The following ADIPOR2 variants were observed in gnomAD, a reference collection of about 807,000 sequenced individuals.
The protein encoded by ADIPOR2 is adiponectin receptor protein 2.
In ADIPOR2, 18 loss-of-function variants were observed where a neutral mutation model predicts 40.9. That is an observed-to-expected ratio of 0.44 (90% CI 0.30 to 0.65). The LOEUF is 0.65. Ranked by LOEUF, ADIPOR2 falls within the 30% of genes least tolerant of loss-of-function variation. ADIPOR2 has a pLI of 0.09. For synonymous variants in ADIPOR2, 165 were observed against 166.4 expected, an observed-to-expected ratio of 0.99 and a Z score of 0.06; for missense variants, 283 against 479.2, an observed-to-expected ratio of 0.59 and a Z score of 3.82.
At chr12:1,725,614 T>G (rs180930256) in intron 1 of ADIPOR2, among the ~76,000 whole-genome samples, 1 of 152,308 alleles carries the variant, frequency 6.6e-6, no homozygotes. Context: ...GTAATAAAAC[T>G]AAGTACATCA....
At chr12:1,703,216 A>G (rs1321977818) in intron 1 of ADIPOR2, among the ~76,000 whole-genome samples, 1 of 152,266 alleles carries the variant, frequency 6.6e-6, no homozygotes, top group East Asian at 1.9e-4. Context: ...GAAAATGCCT[A>G]CTATATACTA....
chr12:1,781,136 T>C (rs767144193), intron 6 of ADIPOR2, 60 bp downstream of exon 6: 1 of 1,442,920 alleles, frequency 6.9e-7, no homozygotes, highest in Non-Finnish European at 9.3e-7. Context: ...AAATTCACTA[T>C]TTATTAAAGT....
At chr12:1,739,382 G>A (rs929766350) in intron 1 of ADIPOR2, among the ~76,000 whole-genome samples, 1 of 152,228 alleles carries the variant, frequency 6.6e-6, no homozygotes, top group Non-Finnish European at 1.5e-5. Flanking sequence ...TTCCCTCTCT[G>A]AAAGTAAAAT....
intron 2 of ADIPOR2, among the ~76,000 whole-genome samples, chr12:1,764,420 G>T (rs2154443883): frequency 6.6e-6 from 1 of 152,108 alleles, no homozygotes; most frequent in South Asian, 2.1e-4. Context: ...AAATAGTTTG[G>T]TAAAAGGAAA....
intron 1 of ADIPOR2, among the ~76,000 whole-genome samples, chr12:1,710,017 G>C (rs2094672948): frequency 6.6e-6 from 1 of 152,080 alleles, no homozygotes. Context: ...TTCTGTTGTT[G>C]GTTCTAAAAC....
chr12:1,707,123 G>A (rs760167375), intron 1 of ADIPOR2, among the ~76,000 whole-genome samples: 14 of 152,178 alleles, frequency 9.2e-5, no homozygotes, highest in Non-Finnish European at 1.9e-4. Context: ...TTTTATTGCT[G>A]AGTAGTATTC....
intron 1 of ADIPOR2, among the ~76,000 whole-genome samples, chr12:1,706,724 A>G (rs1370313552): frequency 6.6e-6 from 1 of 152,174 alleles, no homozygotes; most frequent in Non-Finnish European, 1.5e-5. Flanking sequence ...AATTTCTGTT[A>G]TCTCCAAAAC....
At chr12:1,750,027 A>G (rs2094765548) in intron 1 of ADIPOR2, among the ~76,000 whole-genome samples, 1 of 151,610 alleles carries the variant, frequency 6.6e-6, no homozygotes, top group Admixed American at 6.6e-5. Flanking sequence ...TTTTAGTGAC[A>G]TGGTCTTGTT....
In ADIPOR2 at chr12:1,783,849, C is replaced by T. The variant is rs754157126; in HGVS notation, c.839-31C>T. Reference sequence around the variant, plus strand: ...CTTCTGGCTCTTTGTTTCTCTTCTGCATTACTTTACTCTCTTCTTGTGACT... The same window carrying T: ...CTTCTGGCTCTTTGTTTCTCTTCTGTATTACTTTACTCTCTTCTTGTGACT... On this transcript the variant is annotated intron_variant, in intron 6 of 7. Coordinates refer to ENST00000357103, the MANE Select transcript of ADIPOR2 (RefSeq NM_024551.3). 3.3e-6 allele frequency: 5 copies of T among 1,510,328 alleles called. No homozygotes were observed. The East Asian group carries it at 7.0e-5, about 21-fold the overall frequency. The allele number at this position is 1,510,328 out of a possible 1,614,324, so 93.6% of individuals were successfully genotyped here.
In ADIPOR2 at chr12:1,741,067, A is replaced by G. The variant is rs2094741833; in HGVS notation, c.-86-13191A>G. Among the ~76,000 whole-genome samples, 4 of 152,168 alleles carry G rather than the reference A, an allele frequency of 2.6e-5. No homozygotes were observed. The South Asian group carries it at 6.2e-4, about 24-fold the overall frequency. ...AAAGGTTCAAAAGAATAGTGAGTCAATTAGGGAGCTTTATAAGTTGAGGTT... is the reference window on the plus strand; with the variant it reads ...AAAGGTTCAAAAGAATAGTGAGTCAGTTAGGGAGCTTTATAAGTTGAGGTT... On this transcript the variant is annotated intron_variant, in intron 1 of 7. Coordinates refer to ENST00000357103, the MANE Select transcript of ADIPOR2 (RefSeq NM_024551.3).
intron 1 of ADIPOR2, among the ~76,000 whole-genome samples, chr12:1,704,362 A>G (rs541751915): frequency 6.6e-6 from 1 of 152,270 alleles, no homozygotes; most frequent in East Asian, 1.9e-4. Context: ...TCTCACTCAC[A>G]TGTCATTTCT....
chr12:1,737,948 G>A (rs1348483037), intron 1 of ADIPOR2, among the ~76,000 whole-genome samples: 1 of 152,094 alleles, frequency 6.6e-6, no homozygotes, highest in Non-Finnish European at 1.5e-5. Flanking sequence ...ATGTATGAAG[G>A]TCCCTTTTTT....
chr12:1,713,436 T>C (rs991558197), intron 1 of ADIPOR2, among the ~76,000 whole-genome samples: 1 of 152,122 alleles, frequency 6.6e-6, no homozygotes, highest in African/African-American at 2.4e-5. Context: ...AACAATATCC[T>C]GTAATCCTTT....
intron 1 of ADIPOR2, among the ~76,000 whole-genome samples, chr12:1,752,129 C>T (rs142991307): frequency 6.7e-6 from 1 of 150,208 alleles, no homozygotes; most frequent in Non-Finnish European, 1.5e-5. Context: ...GAGGGTTTCA[C>T]CATGTTGGCC....
chr12:1,728,893 T>C (rs561796960), intron 1 of ADIPOR2, among the ~76,000 whole-genome samples: 1 of 152,008 alleles, frequency 6.6e-6, no homozygotes, highest in East Asian at 1.9e-4. Context: ...TTGACTCTCT[T>C]TTACTGTTAA....
intron 1 of ADIPOR2, among the ~76,000 whole-genome samples, chr12:1,745,175 C>G (rs892585084): frequency 6.6e-6 from 1 of 152,204 alleles, no homozygotes; most frequent in Admixed American, 6.5e-5. Context: ...ATGACCTTCG[C>G]TCTTGATGGG....
At chr12:1,717,768 G>C (rs940918945) in intron 1 of ADIPOR2, among the ~76,000 whole-genome samples, 1 of 151,976 alleles carries the variant, frequency 6.6e-6, no homozygotes, top group African/African-American at 2.4e-5. Flanking sequence ...GACTATGTAG[G>C]CTTTATTATT....
At chr12:1,760,826 CT>C (rs1862251485) in intron 2 of ADIPOR2, 1 of 152,158 alleles carries the variant, frequency 6.6e-6, no homozygotes, top group African/African-American at 2.4e-5. Flanking sequence ...TTGTGCTGAT[CT>C]GAGTGGTGTG....
At chr12:1,759,734 A>G (rs980206367) in intron 2 of ADIPOR2, among the ~76,000 whole-genome samples, 1 of 150,024 alleles carries the variant, frequency 6.7e-6, no homozygotes, top group Non-Finnish European at 1.5e-5. Flanking sequence ...CTGTTTAAAA[A>G]CCTCCTTCCT....
Sources: gnomAD v4.1 joint callset for allele counts (sites outside exome capture counted in the v4.1 genomes callset) on GRCh38, gnomAD v4.1.1 for gene constraint, MANE v1.5 for transcripts, NCBI Gene and HGNC (gene_info 2026-07-23, HGNC 2026-07-21) for gene names.